CREB5: variants seen among roughly 807,000 people sequenced by gnomAD.
CREB5 encodes the protein cyclic AMP-responsive element-binding protein 5.
A neutral mutation model predicts 57.1 loss-of-function variants in CREB5; 19 were observed. That is an observed-to-expected ratio of 0.33 (90% CI 0.23 to 0.49). The LOEUF (loss-of-function observed/expected upper bound fraction) is 0.49, where lower values mean the gene tolerates loss of function less well. CREB5 is among the 20% of genes least tolerant of loss of function. The pLI is 0.99. For synonymous variants in CREB5, 238 were observed against 238.3 expected (o/e 1.00, Z 0.01); for missense variants, 579 against 671.6 (o/e 0.86, Z 1.52).
chr7:28,642,028 T>G (rs991945192), intron 5 of CREB5, among the ~76,000 whole-genome samples: 1 of 152,154 alleles, frequency 6.6e-6, no homozygotes, highest in African/African-American at 2.4e-5. Flanking sequence ...TAACAAGATC[T>G]CCCACAAATA....
chr7:28,788,773 AG>A (rs1807484386), intron 7 of CREB5, among the ~76,000 whole-genome samples: 1 of 151,242 alleles, frequency 6.6e-6, no homozygotes, highest in Non-Finnish European at 1.5e-5. Flanking sequence ...AATCTTTGGG[AG>A]GGAGGCTGCC....
intron 7 of CREB5, among the ~76,000 whole-genome samples, chr7:28,747,476 G>A (rs534196111): frequency 2.0e-5 from 3 of 152,342 alleles, no homozygotes; most frequent in African/African-American, 7.2e-5. Flanking sequence ...GGGAGTTACA[G>A]CAAATTCCCT....
chr7:28,691,402 A>T (rs1019031629), intron 5 of CREB5, among the ~76,000 whole-genome samples: 1 of 144,290 alleles, frequency 6.9e-6, no homozygotes, highest in African/African-American at 2.6e-5. Flanking sequence ...CCTGGGTGAC[A>T]GAGCAAGACT....
At position 28,445,640 on chromosome 7, in the gene CREB5, C is replaced by T. The variant is rs555867896; in HGVS notation, c.3+32723C>T. Among the ~76,000 whole-genome samples, 129 of 152,138 alleles carry T rather than the reference C, an allele frequency of 8.5e-4. 2 individuals carry two copies. The Middle Eastern group carries it at 0.01, about 12-fold the overall frequency. ...GATCTCGGCTCACTGCAAGCTCCGCCTCCCAGGTTCACGCCATTCTCCTGC... is the reference window on the plus strand; with the variant it reads ...GATCTCGGCTCACTGCAAGCTCCGCTTCCCAGGTTCACGCCATTCTCCTGC... On this transcript the variant is annotated intron_variant, in intron 1 of 10. Transcript: ENST00000357727.
At chr7:28,653,707 G>A (rs866606779) in intron 5 of CREB5, among the ~76,000 whole-genome samples, 3 of 152,358 alleles carry the variant, frequency 2.0e-5, no homozygotes, top group Non-Finnish European at 2.9e-5. Flanking sequence ...GCAGTGGTAC[G>A]CTGGTAAACC....
At chr7:28,511,586 T>A (rs949378216) in intron 4 of CREB5, among the ~76,000 whole-genome samples, 4 of 152,160 alleles carry the variant, frequency 2.6e-5, no homozygotes, top group African/African-American at 7.2e-5. Context: ...TTGGGCTCAG[T>A]TGATCCTCCC....
intron 5 of CREB5, among the ~76,000 whole-genome samples, chr7:28,717,092 T>TTTTTC (rs1802734311): frequency 6.9e-6 from 1 of 144,548 alleles, no homozygotes; most frequent in Non-Finnish European, 1.5e-5. Flanking sequence ...TATTCTTTTT[T>TTTTTC]TTTTTTTTTT....
intron 1 of CREB5, among the ~76,000 whole-genome samples, chr7:28,330,104 G>T (rs1785685550): frequency 6.6e-6 from 1 of 152,228 alleles, no homozygotes; most frequent in South Asian, 2.1e-4. Context: ...CTTGGCCACA[G>T]GTTTCAAAGG....
intron 5 of CREB5, among the ~76,000 whole-genome samples, chr7:28,579,444 A>T (rs1796036745): frequency 6.6e-6 from 1 of 152,038 alleles, no homozygotes; most frequent in Admixed American, 6.6e-5. Context: ...TTGGAGTTTT[A>T]TAGTTTTCCC....
chr7:28,594,438 G>T (rs1296322614), intron 5 of CREB5, among the ~76,000 whole-genome samples: 1 of 152,018 alleles, frequency 6.6e-6, no homozygotes, highest in East Asian at 1.9e-4. Flanking sequence ...TTAAGGCCTG[G>T]ATAAATATAG....
At chr7:28,308,514 G>A (rs551504324) in intron 1 of CREB5, among the ~76,000 whole-genome samples, 76 of 152,318 alleles carry the variant, frequency 5.0e-4, no homozygotes, top group African/African-American at 1.5e-3. Flanking sequence ...ATGCAAAAAG[G>A]TGAAGTAACT....
At chr7:28,467,340 C>G (rs1790628064) in intron 1 of CREB5, among the ~76,000 whole-genome samples, 1 of 152,222 alleles carries the variant, frequency 6.6e-6, no homozygotes, top group Non-Finnish European at 1.5e-5. Context: ...CCCCCGCTTC[C>G]TGGAACTATA....
In CREB5 at chr7:28,538,505, G is replaced by A. The variant is rs143140015; in HGVS notation, c.291+30768G>A. 1.8e-4 allele frequency among the ~76,000 whole-genome samples: 27 copies of A among 152,006 alleles called. 2 individuals carry two copies. The South Asian group carries it at 1.9e-3, about 11-fold the overall frequency. On this transcript the variant is annotated intron_variant, in intron 4 of 10. Coordinates refer to ENST00000357727, the MANE Select transcript of CREB5 (RefSeq NM_182898.4). ...CTCTTCTCTTTTTTTCTTTCACGAC[G>A]TTGCTAGGGGTTGATCAATTTTATT...
chr7:28,718,617 C>G, intron 5 of CREB5, 136 bp from the exon 6 acceptor site: 1 of 1,201,974 alleles, frequency 8.3e-7, no homozygotes, highest in Non-Finnish European at 1.1e-6. Flanking sequence ...CCCTAATATC[C>G]TCAATTATGT....
chr7:28,778,361 G>A (rs938477535), intron 7 of CREB5, among the ~76,000 whole-genome samples: 6 of 152,206 alleles, frequency 3.9e-5, no homozygotes, highest in Non-Finnish European at 7.3e-5. Context: ...CTTCAAGGAC[G>A]TTTGGCACAT....
At chr7:28,338,337 T>C (rs1010564075) in intron 1 of CREB5, among the ~76,000 whole-genome samples, 1 of 152,188 alleles carries the variant, frequency 6.6e-6, no homozygotes. Flanking sequence ...TTTTTGTTCA[T>C]CTGGGAAAGT....
In CREB5 at chr7:28,718,893, T is replaced by G; in HGVS notation, c.591+14T>G. ...GTCTTGATGCCAGTAAGTGTTTCTG[T>G]GTGTCTCACAATAGCTTGTCACTTG... On this transcript the variant is annotated intron_variant, in intron 6 of 10. Transcript: ENST00000357727. 6.2e-7 allele frequency: 1 copy of G among 1,613,994 alleles called. No homozygotes were observed. Among genetic ancestry groups the G allele is most frequent in the South Asian group, 1.1e-5 (1 of 91,076 alleles).
intron 5 of CREB5, among the ~76,000 whole-genome samples, chr7:28,607,775 GTGTGTGTGTGTGTGTGTGTTT>G (rs1797202841): frequency 6.7e-6 from 1 of 149,360 alleles, no homozygotes; most frequent in Non-Finnish European, 1.5e-5. Flanking sequence ...GTGTGTGTGT[GTGTGTGTGTGTGTGTGTGTTT>G]TACCATGTGC....
intron 1 of CREB5, among the ~76,000 whole-genome samples, chr7:28,403,472 C>T (rs375856452): frequency 6.6e-6 from 1 of 152,074 alleles, no homozygotes; most frequent in African/African-American, 2.4e-5. Context: ...TTGTTTTAAG[C>T]ATGTTACATA....
Sources: gnomAD v4.1 joint callset for allele counts (sites outside exome capture counted in the v4.1 genomes callset) on GRCh38, gnomAD v4.1.1 for gene constraint, MANE v1.5 for transcripts, NCBI Gene and HGNC (gene_info 2026-07-23, HGNC 2026-07-21) for gene names.